Variants in PTPRN2 observed in about 807,000 individuals in gnomAD.
PTPRN2 encodes protein tyrosine phosphatase receptor type N2.
Under a neutral mutation model 118.8 loss-of-function variants are expected in PTPRN2, and 74 were observed. That is an observed-to-expected ratio of 0.62 (90% CI 0.52 to 0.76). The LOEUF is 0.76. Ranked by LOEUF, PTPRN2 falls within the 30% of genes least tolerant of loss-of-function variation. The probability of loss-of-function intolerance (pLI) is 0.00; values close to 1 mark genes in which losing one functional copy is unlikely to be tolerated. For synonymous variants in PTPRN2, 641 were observed against 608.0 expected (o/e 1.05, Z -0.80); for missense variants, 1,481 against 1,394.4 (o/e 1.06, Z -0.99).
chr7:158,414,524 C>T (rs1174415033), intron 2 of PTPRN2, among the ~76,000 whole-genome samples: 1 of 152,272 alleles, frequency 6.6e-6, no homozygotes, highest in Non-Finnish European at 1.5e-5. Context: ...ATTAGATGTT[C>T]TCCGGGCTCA....
chr7:158,246,236 A>T (rs979584708), intron 3 of PTPRN2, among the ~76,000 whole-genome samples: 3 of 152,004 alleles, frequency 2.0e-5, no homozygotes, highest in Non-Finnish European at 4.4e-5. Context: ...GAATAAAATT[A>T]TCACTTGAAA....
chr7:158,560,599 G>A (rs568594871), intron 1 of PTPRN2, among the ~76,000 whole-genome samples: 19 of 152,372 alleles, frequency 1.2e-4, no homozygotes, highest in South Asian at 1.2e-3. Context: ...ACCGTGTGGC[G>A]GTTCCTCACT....
intron 2 of PTPRN2, among the ~76,000 whole-genome samples, chr7:158,327,778 T>C (rs563814554): frequency 6.6e-6 from 1 of 152,208 alleles, no homozygotes; most frequent in East Asian, 1.9e-4. Context: ...CAAAGTACCT[T>C]CAATCTGTAA....
intron 12 of PTPRN2, among the ~76,000 whole-genome samples, chr7:157,878,952 A>C (rs1795954840): frequency 7.5e-6 from 1 of 132,714 alleles, no homozygotes; most frequent in Non-Finnish European, 1.6e-5. Flanking sequence ...TTGACGGGTC[A>C]GTGTGATACC....
chr7:158,471,712 A>G (rs540743610), intron 2 of PTPRN2, among the ~76,000 whole-genome samples: 1 of 149,578 alleles, frequency 6.7e-6, no homozygotes, highest in African/African-American at 2.5e-5. Flanking sequence ...AAACAAACAA[A>G]AAAAAAACCT....
At chr7:158,083,403 A>G (rs1013340291) in intron 10 of PTPRN2, among the ~76,000 whole-genome samples, 5 of 152,200 alleles carry the variant, frequency 3.3e-5, no homozygotes, top group African/African-American at 9.6e-5. Context: ...TCAAGCTTAC[A>G]CACGGCATCT....
rs1312863242 is a variant in PTPRN2, at chr7:158,525,183, G to A, written c.113-35398C>T. ...TCCAGGCTCTGGAGCCGGCTGCAGA[G>A]CACAGCGTGAGGCAGGCCCTGACCG... On this transcript the variant is annotated intron_variant, in intron 1 of 22. Coordinates refer to ENST00000389418, the MANE Select transcript of PTPRN2 (RefSeq NM_002847.5). This position sits in a 1 kb window ranked among gnomAD's most constrained non-coding sequence, Gnocchi z 4.1. 3.9e-5 allele frequency among the ~76,000 whole-genome samples: 6 copies of A among 152,204 alleles called. No individual in the cohort carries two copies. Among genetic ancestry groups the A allele is most frequent in the Non-Finnish European group, 5.9e-5 (4 of 68,030 alleles).
intron 11 of PTPRN2, among the ~76,000 whole-genome samples, chr7:157,954,505 TGGTGTGTGTGTGTG>T (rs1801055714): frequency 1.5e-3 from 134 of 90,398 alleles, no homozygotes; most frequent in Non-Finnish European, 2.3e-3. Context: ...GTACTGTGTG[TGGTGTGTGTGTGTG>T]GTGCACGTGT....
At chr7:157,666,896 A>T (rs1366386422) in intron 13 of PTPRN2, among the ~76,000 whole-genome samples, 1 of 147,968 alleles carries the variant, frequency 6.8e-6, no homozygotes, top group Non-Finnish European at 1.5e-5. Context: ...GATGAGTACG[A>T]GCCCTGGCTT....
intron 2 of PTPRN2, among the ~76,000 whole-genome samples, chr7:158,407,177 T>C (rs573606707): frequency 0.23 from 17,249 of 74,860 alleles, 2,240 homozygotes; most frequent in East Asian, 0.5. Flanking sequence ...TCCTGCGTCC[T>C]GCGTCCTGGG....
chr7:158,191,766 T>A (rs1055607957), intron 5 of PTPRN2, among the ~76,000 whole-genome samples: 1 of 152,102 alleles, frequency 6.6e-6, no homozygotes. Context: ...GTCTGGGGTC[T>A]GTGTGCCCAG....
Position 158,248,837 on chromosome 7 carries a change from G to A in PTPRN2, c.278-43564C>T, listed in dbSNP as rs373798434. On this transcript the variant is annotated intron_variant, in intron 3 of 22. Coordinates refer to ENST00000389418, the MANE Select transcript of PTPRN2 (RefSeq NM_002847.5). ...ACACATGCCACACGCATGCACCCAC[G>A]TCACATACATGCACATACACATGCA... 7.8e-3 allele frequency among the ~76,000 whole-genome samples: 72 copies of A among 9,232 alleles called. 2 individuals are homozygous for A. Among genetic ancestry groups the A allele is most frequent in the African/African-American group, 0.043 (67 of 1,548 alleles). 6.1% of individuals were successfully genotyped at this position (9,232 alleles called of 152,430 possible).
intron 11 of PTPRN2, among the ~76,000 whole-genome samples, chr7:157,924,298 T>C (rs1320867337): frequency 2.6e-5 from 4 of 152,156 alleles, no homozygotes; most frequent in Admixed American, 6.5e-5. Context: ...ACACTGTCCA[T>C]TGGAACATCA....
intron 3 of PTPRN2, among the ~76,000 whole-genome samples, chr7:158,301,267 A>C (rs1011581443): frequency 1.3e-5 from 2 of 152,198 alleles, no homozygotes; most frequent in African/African-American, 4.8e-5. Flanking sequence ...GGGCATGAAC[A>C]CAGACGAACC....
At position 157,763,511 on chromosome 7, in the gene PTPRN2, C is replaced by T. The variant is rs1009411446; in HGVS notation, c.1789-80574G>A. Among the ~76,000 whole-genome samples the T allele has an allele frequency of 9.9e-5, 15 of 152,084 alleles. No individual in the cohort carries two copies. Among genetic ancestry groups the T allele is most frequent in the Admixed American group, 2.6e-4 (4 of 15,280 alleles). On this transcript the variant is annotated intron_variant, in intron 12 of 22. Coordinates refer to ENST00000389418, the MANE Select transcript of PTPRN2 (RefSeq NM_002847.5). This position sits in a 1 kb window ranked among gnomAD's most constrained non-coding sequence, Gnocchi z 4.9. The stretch of plus-strand genomic sequence containing the variant: ...CCCACGGCACAGTTGGGGATCCTCT[C>T]GGCTGGGTCCCCAGGGGAGCTGCAC...
At chr7:158,307,062 TC>T (rs1283862849) in intron 3 of PTPRN2, among the ~76,000 whole-genome samples, 1 of 152,114 alleles carries the variant, frequency 6.6e-6, no homozygotes, top group African/African-American at 2.4e-5. Flanking sequence ...AGACGGGGTT[TC>T]ACCATGTTGG....
intron 12 of PTPRN2, among the ~76,000 whole-genome samples, chr7:157,766,210 T>TCCATCCAC (rs1563085556): frequency 2.7e-5 from 4 of 146,428 alleles, no homozygotes; most frequent in South Asian, 2.3e-4. Context: ...CATCCATCCA[T>TCCATCCAC]CCACCCACAC....
Position 157,644,404 on chromosome 7 carries a change from C to T in PTPRN2, c.2196+11953G>A, listed in dbSNP as rs79823294. ...CTGCCCAGCCTGAGGGATGTCGTCA[C>T]GGCAGCCCCAGCAGGCCAGGGCAGG... On this transcript the variant is annotated intron_variant, in intron 14 of 22. Coordinates refer to ENST00000389418, the MANE Select transcript of PTPRN2 (RefSeq NM_002847.5). Among the ~76,000 whole-genome samples, 5 of 152,330 alleles carry T rather than the reference C, an allele frequency of 3.3e-5. No homozygotes were observed. The South Asian group carries it at 8.3e-4, about 25-fold the overall frequency.
At chr7:158,308,073 T>G (rs1235320254) in intron 3 of PTPRN2, among the ~76,000 whole-genome samples, 1 of 152,194 alleles carries the variant, frequency 6.6e-6, no homozygotes, top group Non-Finnish European at 1.5e-5. Context: ...AAATTCCTTT[T>G]CTTTATAAAT....
Sources: allele counts gnomAD v4.1 joint callset (sites outside exome capture counted in the v4.1 genomes callset), GRCh38; gene constraint gnomAD v4.1.1; non-coding constraint Gnocchi (gnomAD v3.1); transcripts MANE v1.5; gene names NCBI Gene and HGNC (gene_info 2026-07-23, HGNC 2026-07-21).